C17orf50: variants seen among roughly 807,000 people sequenced by gnomAD.
C17orf50 encodes plakoglobin binding and degradation factor, also known as uncharacterized protein C17orf50.
C17orf50 carries 16 observed loss-of-function variants against 17.7 expected under a neutral mutation model. The observed-to-expected ratio is 0.90, with a 90% CI of 0.61 to 1.37. C17orf50 has a LOEUF of 1.37. Ranked by LOEUF, C17orf50 falls within the 40% of genes most tolerant of loss-of-function variation. The pLI, the probability that C17orf50 is intolerant of heterozygous loss-of-function variation, is 0.00. For synonymous variants in C17orf50, 125 were observed against 111.0 expected (o/e 1.13, Z -0.80); for missense variants, 271 against 240.7 (o/e 1.13, Z -0.83).
In C17orf50 at chr17:35,764,503, G is replaced by C; in HGVS notation, c.410G>C (p.Cys137Ser). The change falls in exon 3 of 3, where the codon TGC becomes TCC. Residue 137 changes from cysteine (C) to serine (S), a missense_variant. Physicochemically the swap from Cys to Ser is moderately radical, Grantham distance 112. Coordinates refer to ENST00000605587, the MANE Select transcript of C17orf50 (RefSeq NM_145272.4). ...CCGCGCCGCGGGGGCTGTGCTTGCTGCGAGCTCCTCTTCTGCAAGAAATGC... is the reference window on the plus strand; with the variant it reads ...CCGCGCCGCGGGGGCTGTGCTTGCTCCGAGCTCCTCTTCTGCAAGAAATGC... ...RPPRRGGCACCELLFCKKCRS... is the reference protein window; with the variant it reads ...RPPRRGGCACSELLFCKKCRS... The C allele has an allele frequency of 1.3e-6, 2 of 1,589,420 alleles. No individual in the cohort carries two copies. Among genetic ancestry groups the C allele is most frequent in the Non-Finnish European group, 1.7e-6 (2 of 1,170,678 alleles).
chr17:35,762,995 G>A (rs369280681), intron 1 of C17orf50, among the ~76,000 whole-genome samples: 2 of 152,060 alleles, frequency 1.3e-5, no homozygotes, highest in East Asian at 3.9e-4. Flanking sequence ...GGTGGCGGGC[G>A]CCTATAGTCC....
At position 35,764,308 on chromosome 17, in the gene C17orf50, A is replaced by C. The variant is rs1200206145; in HGVS notation, c.315A>C (p.Leu105=). The C allele has an allele frequency of 6.7e-7, 1 of 1,493,622 alleles. No individual in the cohort carries two copies. The highest frequency in any genetic ancestry group is 8.9e-7 in the Non-Finnish European group (1 of 1,126,470). 92.5% of individuals were successfully genotyped at this position (1,493,622 alleles called of 1,614,324 possible). A position where few individuals can be genotyped will look rare whatever the true frequency, so the allele number is the denominator to read the frequency against. ...WLGPLALLGG[L]TAPTDRKRSL... ...GCCCCTTAGCGCTGCTGGGCGGCCT[A>C]ACAGCTCCCACCGACAGGTGCCTGC... Residue 105 remains leucine (L), a synonymous_variant, in exon 2 of 3, where the codon CTA becomes CTC. Transcript: ENST00000605587.
rs1555602334 is a variant in C17orf50, at chr17:35,764,453, C to T, written c.360C>T (p.Cys120=). Residue 120 remains cysteine, a synonymous_variant, in exon 3 of 3, where the codon TGC becomes TGT. Coordinates refer to ENST00000605587, the MANE Select transcript of C17orf50 (RefSeq NM_145272.4). ...DRKRSLPEEP[C]VLEIRRRPPR... Reference sequence around the variant, plus strand: ...AGCGGAGCCTCCCGGAGGAGCCGTGCGTGCTGGAGATCCGGCGACGACCGC... The same window carrying T: ...AGCGGAGCCTCCCGGAGGAGCCGTGTGTGCTGGAGATCCGGCGACGACCGC... 2 of 1,555,012 alleles carry T rather than the reference C, an allele frequency of 1.3e-6. No individual in the cohort carries two copies. Among genetic ancestry groups the T allele is most frequent in the African/African-American group, 1.4e-5 (1 of 71,748 alleles).
Position 35,764,899 on chromosome 17 carries a change from C to G in C17orf50, c.*281C>G, listed in dbSNP as rs587642636. 7.6e-6 allele frequency: 2 copies of G among 264,892 alleles called. No individual in the cohort carries two copies. Among genetic ancestry groups the G allele is most frequent in the East Asian group, 9.1e-5 (1 of 10,960 alleles). The allele number at this position is 264,892 out of a possible 1,614,324, so 16.4% of individuals were successfully genotyped here. A position where few individuals can be genotyped will look rare whatever the true frequency, so the allele number is the denominator to read the frequency against. ...CGCCCCCACGCAGCACCAGCGCCAC[C>G]GCACACCTGACTCTGTCCGCTCACA... On this transcript the variant is annotated 3_prime_UTR_variant, in exon 3 of 3. Coordinates refer to ENST00000605587, the MANE Select transcript of C17orf50 (RefSeq NM_145272.4).
At position 35,764,181 on chromosome 17, in the gene C17orf50, G is replaced by A. The variant is rs116067464; in HGVS notation, c.188G>A (p.Arg63His). 2,150 of 1,548,284 alleles carry A rather than the reference G, an allele frequency of 1.4e-3. 9 individuals carry two copies. In the African/African-American group the frequency reaches 0.024, roughly 17 times the overall value. The change falls in exon 2 of 3, where the codon CGC (arginine) becomes CAC (histidine). Residue 63 changes from arginine to histidine, a missense_variant. Coordinates refer to ENST00000605587, the MANE Select transcript of C17orf50 (RefSeq NM_145272.4). ...PPRVAEEGEG[R>H]ERRSVSYCPL... ...CGGGTAGCGGAGGAGGGCGAAGGCC[G>A]CGAGCGGCGCTCAGTGTCCTACTGC... is the stretch of plus-strand genomic sequence containing the variant.
In C17orf50 at chr17:35,764,165, G is replaced by A. The variant is rs892924759; in HGVS notation, c.172G>A (p.Glu58Lys). Residue 58 changes from glutamate to lysine, a missense_variant, in exon 2 of 3, where the codon GAG becomes AAG. By Grantham distance (56) the Glu-to-Lys change is moderately conservative. Transcript: ENST00000605587. ...TEGEEPPRVA[E>K]EGEGRERRSV... ...GGGCGAGGAGCCGCCGCGGGTAGCG[G>A]AGGAGGGCGAAGGCCGCGAGCGGCG... 8.3e-5 allele frequency: 129 copies of A among 1,548,714 alleles called. No individual in the cohort carries two copies. The highest frequency in any genetic ancestry group is 1.1e-4 in the Non-Finnish European group (127 of 1,146,722).
intron 1 of C17orf50, among the ~76,000 whole-genome samples, chr17:35,763,297 G>A (rs2085861460): frequency 6.6e-6 from 1 of 151,856 alleles, no homozygotes; most frequent in Non-Finnish European, 1.5e-5. Flanking sequence ...TAATTGTGGA[G>A]ACGGGGTCTC....
rs782005643 is a variant in C17orf50, at chr17:35,763,438, CTTTTTTT to C, written c.14-553_14-547del. Among the ~76,000 whole-genome samples, 59 of 101,514 alleles carry C rather than the reference CTTTTTTT, an allele frequency of 5.8e-4. 1 individual carries two copies. In the East Asian group the frequency reaches 0.014, roughly 25 times the overall value. The allele number at this position is 101,514 out of a possible 152,430, so 66.6% of individuals were successfully genotyped here. The stretch of plus-strand genomic sequence containing the variant: ...CACAGGTGTACACCACCATGCCCAG[CTTTTTTT>C]TTTTTTTTTTTTTTTGGAGCGAAAT... On this transcript the variant is annotated intron_variant, in intron 1 of 2. Transcript: ENST00000605587.
chr17:35,764,293 G>A lies in C17orf50; in HGVS notation c.300G>A (p.Ala100=). The A allele has an allele frequency of 6.6e-7, 1 of 1,514,104 alleles. No individual in the cohort carries two copies. The highest frequency in any genetic ancestry group is 8.8e-7 in the Non-Finnish European group (1 of 1,133,820). 93.8% of individuals were successfully genotyped at this position (1,514,104 alleles called of 1,614,324 possible). A position where few individuals can be genotyped will look rare whatever the true frequency, so the allele number is the denominator to read the frequency against. ...SGFWGWLGPL[A]LLGGLTAPTD... is the part of the protein sequence containing the mutation. Reference sequence around the variant, plus strand: ...TCTGGGGCTGGCTCGGCCCCTTAGCGCTGCTGGGCGGCCTAACAGCTCCCA... The same window carrying A: ...TCTGGGGCTGGCTCGGCCCCTTAGCACTGCTGGGCGGCCTAACAGCTCCCA... Residue 100 remains alanine (A), a synonymous_variant, in exon 2 of 3, where the codon GCG becomes GCA. Transcript: ENST00000605587.
chr17:35,763,100 C>T (rs1191915047), intron 1 of C17orf50, among the ~76,000 whole-genome samples: 9 of 143,418 alleles, frequency 6.3e-5, no homozygotes, highest in Admixed American at 4.3e-4. Flanking sequence ...CCAGCCTGGG[C>T]GACAGAGCGA....
At chr17:35,761,501 C>A (rs1319106058) in intron 1 of C17orf50, among the ~76,000 whole-genome samples, 1 of 151,840 alleles carries the variant, frequency 6.6e-6, no homozygotes. Context: ...GCAGTCTCAA[C>A]CTCCCAGGCA....
intron 1 of C17orf50, 40 bp downstream of exon 1, chr17:35,760,994 A>T: frequency 6.3e-7 from 1 of 1,597,572 alleles, no homozygotes; most frequent in Non-Finnish European, 8.5e-7. Flanking sequence ...GGAGGACAGG[A>T]CCTCTTGACC....
At position 35,764,785 on chromosome 17, in the gene C17orf50, G is replaced by T. The variant is rs782662750; in HGVS notation, c.*167G>T. 1.4e-6 allele frequency: 1 copy of T among 725,374 alleles called. No homozygotes were observed. Among genetic ancestry groups the T allele is most frequent in the Non-Finnish European group, 2.1e-6 (1 of 480,168 alleles). 44.9% of individuals were successfully genotyped at this position (725,374 alleles called of 1,614,324 possible). A position where few individuals can be genotyped will look rare whatever the true frequency, so the allele number is the denominator to read the frequency against. ...TCCGTCAAGAAGGCCCACTGTTGGT[G>T]CTTGGTTCCCATCTGTCACCTAGCG... is the stretch of plus-strand genomic sequence containing the variant. On this transcript the variant is annotated 3_prime_UTR_variant, in exon 3 of 3. Transcript: ENST00000605587.
At chr17:35,761,050 TCA>T in intron 1 of C17orf50, 96 bp downstream of exon 1, 1 of 1,357,896 alleles carries the variant, frequency 7.4e-7, no homozygotes. Flanking sequence ...CAACCTTTTC[TCA>T]GTTACCCATC....
chr17:35,760,986 A>T (rs782083466), intron 1 of C17orf50, 32 bp downstream of exon 1: 2 of 1,605,398 alleles, frequency 1.2e-6, no homozygotes, highest in Non-Finnish European at 1.7e-6. Context: ...GTGGGGCTGG[A>T]GGACAGGACC....
rs4795087 is a variant in C17orf50 at position 35,764,059 on chromosome 17, C to G, written c.66C>G (p.Asp22Glu). 322,782 of 1,549,228 alleles carry G rather than the reference C, an allele frequency of 0.21. 38,778 individuals carry two copies. The highest frequency in any genetic ancestry group is 0.51 in the African/African-American group (37,325 of 73,004). The part of the protein sequence containing the change: ...KKETEELRAE[D>E]AEQEEGKEGS... The stretch of plus-strand genomic sequence containing the variant: ...AAACGGAAGAGCTCCGGGCCGAGGA[C>G]GCGGAGCAAGAGGAAGGGAAGGAGG... The change falls in exon 2 of 3, where the codon GAC becomes GAG. Residue 22 changes from aspartate (D) to glutamate (E), a missense_variant. Asp to Glu is a conservative substitution (Grantham distance 45). Coordinates refer to ENST00000605587, the MANE Select transcript of C17orf50 (RefSeq NM_145272.4).
intron 1 of C17orf50, among the ~76,000 whole-genome samples, chr17:35,762,424 C>T (rs1392917520): frequency 1.3e-5 from 2 of 152,186 alleles, no homozygotes; most frequent in Non-Finnish European, 2.9e-5. Context: ...TGAATGTTTG[C>T]TGAATGGGCG....
intron 1 of C17orf50, 134 bp downstream of exon 1, chr17:35,761,088 C>G: frequency 1.2e-6 from 1 of 868,270 alleles, no homozygotes; most frequent in Non-Finnish European, 1.7e-6. Flanking sequence ...CCTCTCCTTT[C>G]GCCTTCCTGA....
chr17:35,764,189 C>A lies in C17orf50; in HGVS notation c.196C>A (p.Arg66Ser). ...VAEEGEGRER[R>S]SVSYCPLRQE... ...GGAGGAGGGCGAAGGCCGCGAGCGG[C>A]GCTCAGTGTCCTACTGCCCGCTGCG... The change falls in exon 2 of 3, where the codon CGC becomes AGC. Residue 66 changes from arginine (R) to serine (S), a missense_variant. Arg to Ser is a moderately radical substitution (Grantham distance 110). Coordinates refer to ENST00000605587, the MANE Select transcript of C17orf50 (RefSeq NM_145272.4). 1 of 1,548,086 alleles carries A rather than the reference C, an allele frequency of 6.5e-7. No homozygotes were observed. Among genetic ancestry groups the A allele is most frequent in the Non-Finnish European group, 8.7e-7 (1 of 1,146,622 alleles).
Sources: allele counts gnomAD v4.1 joint callset (sites outside exome capture counted in the v4.1 genomes callset), GRCh38; gene constraint gnomAD v4.1.1; transcripts MANE v1.5; gene names NCBI Gene and HGNC (gene_info 2026-07-23, HGNC 2026-07-21).